SHPK: variants seen among roughly 807,000 people sequenced by gnomAD.
The protein encoded by SHPK is carbohydrate kinase-like protein.
SHPK carries 51 observed loss-of-function variants against 46.3 expected under a neutral mutation model. The ratio of observed to expected loss-of-function variants is 1.10; its 90% CI spans 0.88 to 1.39. The LOEUF (loss-of-function observed/expected upper bound fraction) is 1.39, where lower values mean the gene tolerates loss of function less well. Ranked by LOEUF, SHPK falls within the 40% of genes most tolerant of loss-of-function variation. The pLI is 0.00. For missense variants in SHPK, 668 were observed against 641.3 expected (o/e 1.04, Z -0.45); for synonymous variants, 290 against 273.9 (o/e 1.06, Z -0.58).
chr17:3,622,901 C>T (rs1185912174), intron 4 of SHPK, among the ~76,000 whole-genome samples: 2 of 152,004 alleles, frequency 1.3e-5, no homozygotes, highest in East Asian at 1.9e-4. Context: ...GATGGGGTTT[C>T]GCCATGTTGC....
At chr17:3,635,093 A>G (rs2075501774) in intron 1 of SHPK, among the ~76,000 whole-genome samples, 2 of 151,678 alleles carry the variant, frequency 1.3e-5, no homozygotes, top group South Asian at 4.2e-4. Flanking sequence ...AATCACTTGA[A>G]TCCAGTTGGC....
intron 1 of SHPK, among the ~76,000 whole-genome samples, chr17:3,635,612 T>C (rs1362191658): frequency 6.6e-6 from 1 of 152,166 alleles, no homozygotes; most frequent in Non-Finnish European, 1.5e-5. Context: ...GACATCTGAT[T>C]TCCGGAGGAA....
Position 3,624,196 on chromosome 17 carries a change from A to G in SHPK, c.346T>C (p.Phe116Leu), listed in dbSNP as rs2075419537. 2 of 1,613,812 alleles carry G rather than the reference A, an allele frequency of 1.2e-6. No homozygotes were observed. Among genetic ancestry groups the G allele is most frequent in the Admixed American group, 1.7e-5 (1 of 59,982 alleles). Reference protein sequence around the residue: ...EWTEGGITPVFEPRAVSHLVT... With the variant: ...EWTEGGITPVLEPRAVSHLVT... ...AGGTGGCTAACAGCTCGGGGCTCGA[A>G]CACCGGGGTAATCCCTCCCTCTGTC... The change falls in exon 3 of 7, where the codon TTC becomes CTC. Residue 116 changes from phenylalanine to leucine, a missense_variant. Physicochemically the swap from Phe to Leu is conservative, Grantham distance 22. Transcript: ENST00000225519.
intron 6 of SHPK, among the ~76,000 whole-genome samples, chr17:3,615,106 G>A (rs565367408): frequency 1.3e-5 from 2 of 152,260 alleles, no homozygotes; most frequent in African/African-American, 4.8e-5. Context: ...CAAGGTTGGG[G>A]GAAGGGTGCC....
chr17:3,620,174 TAGAGTA>T (rs1366444351), intron 5 of SHPK, among the ~76,000 whole-genome samples: 7 of 152,158 alleles, frequency 4.6e-5, no homozygotes, highest in Non-Finnish European at 1.0e-4. Flanking sequence ...TTCTGCCCTT[TAGAGTA>T]AAAGAGCCAA....
At chr17:3,616,198 G>A (rs1184496586) in intron 5 of SHPK, among the ~76,000 whole-genome samples, 1 of 152,138 alleles carries the variant, frequency 6.6e-6, no homozygotes, top group Non-Finnish European at 1.5e-5. Context: ...CTCCACGTGA[G>A]AGTGGGCTGG....
intron 2 of SHPK, among the ~76,000 whole-genome samples, chr17:3,629,684 C>T (rs925986060): frequency 3.4e-5 from 5 of 149,250 alleles, no homozygotes; most frequent in South Asian, 4.2e-4. Flanking sequence ...GCTGAGTTTG[C>T]GCCACTGCAC....
chr17:3,634,804 T>C (rs2075497721), intron 1 of SHPK, among the ~76,000 whole-genome samples: 1 of 152,048 alleles, frequency 6.6e-6, no homozygotes, highest in Admixed American at 6.6e-5. Flanking sequence ...ATCCCTATCC[T>C]CAGAAATGCT....
chr17:3,631,388 A>G (rs1446285865), intron 1 of SHPK, among the ~76,000 whole-genome samples: 1 of 151,658 alleles, frequency 6.6e-6, no homozygotes, highest in Non-Finnish European at 1.5e-5. Context: ...ATTTGTTTAG[A>G]CCCTCACTGT....
intron 3 of SHPK, 117 bp from the exon 4 acceptor site, chr17:3,623,608 G>T: frequency 1.0e-6 from 1 of 1,000,936 alleles, no homozygotes; most frequent in Non-Finnish European, 1.6e-6. Context: ...AGCCACAACC[G>T]CATATACTAT....
chr17:3,619,711 C>T (rs190806636), intron 5 of SHPK: 13 of 321,106 alleles, frequency 4.0e-5, no homozygotes, highest in East Asian at 3.2e-4. Context: ...CCAGCCTGGG[C>T]GACAGAGTGA....
Position 3,623,975 on chromosome 17 carries a change from T to C in SHPK, c.494+73A>G, listed in dbSNP as rs2075417859. On this transcript the variant is annotated intron_variant, in intron 3 of 6. Coordinates refer to ENST00000225519, the MANE Select transcript of SHPK (RefSeq NM_013276.4). Reference sequence around the variant, plus strand: ...CGGCACAGCCCAGCAGGCGGGGTGATGCTGACGCAGCCCCGGCCTATTCTC... The same window carrying C: ...CGGCACAGCCCAGCAGGCGGGGTGACGCTGACGCAGCCCCGGCCTATTCTC... 3.2e-5 allele frequency: 45 copies of C among 1,426,222 alleles called. No homozygotes were observed. In the South Asian group the frequency reaches 5.6e-4, roughly 18 times the overall value. 88.3% of individuals were successfully genotyped at this position (1,426,222 alleles called of 1,614,324 possible). A position where few individuals can be genotyped will look rare whatever the true frequency, so the allele number is the denominator to read the frequency against.
In SHPK at chr17:3,625,873, C is replaced by A. The variant is rs201106672; in HGVS notation, c.311-1642G>T. Among the ~76,000 whole-genome samples the A allele has an allele frequency of 2.0e-5, 3 of 152,072 alleles. No homozygotes were observed. In the East Asian group the frequency reaches 5.8e-4, roughly 29 times the overall value. Reference sequence around the variant, plus strand: ...TTCGAGACCAGCCTGGACAACATGGCGAAACCCCATCTCTACAAAAAATAC... The same window carrying A: ...TTCGAGACCAGCCTGGACAACATGGAGAAACCCCATCTCTACAAAAAATAC... On this transcript the variant is annotated intron_variant, in intron 2 of 6. Transcript: ENST00000225519.
intron 5 of SHPK, 41 bp downstream of exon 5, chr17:3,621,196 C>A: frequency 6.6e-7 from 1 of 1,516,284 alleles, no homozygotes; most frequent in Non-Finnish European, 8.9e-7. Context: ...ATGAGGCAGG[C>A]GACAGTGTAA....
At chr17:3,623,946 A>T in intron 3 of SHPK, 102 bp downstream of exon 3, 1 of 1,165,056 alleles carries the variant, frequency 8.6e-7, no homozygotes, top group Non-Finnish European at 1.2e-6. Flanking sequence ...GGACACACTC[A>T]CTGCGGCACA....
At position 3,624,213 on chromosome 17, in the gene SHPK, C is replaced by G. The variant is rs1199329424; in HGVS notation, c.329G>C (p.Gly110Ala). The G allele has an allele frequency of 1.9e-6, 3 of 1,611,854 alleles. No individual in the cohort carries two copies. The highest frequency in any genetic ancestry group is 2.7e-5 in the African/African-American group (2 of 74,890). The change falls in exon 3 of 7, where the codon GGA becomes GCA. Residue 110 changes from glycine (G) to alanine (A), a missense_variant. Physicochemically the swap from Gly to Ala is moderately conservative, Grantham distance 60 (BLOSUM62 0). Transcript: ENST00000225519. ...GGGCTCGAACACCGGGGTAATCCCT[C>G]CCTCTGTCCATTCACAGCCTGGAAC... ...KTGQGCEWTE[G>A]GITPVFEPRA...
In SHPK at chr17:3,621,461, G is replaced by T. The variant is rs772547813; in HGVS notation, c.648-49C>A. Reference sequence around the variant, plus strand: ...ACATGGACCCACAGTTAGGTTTCGGGAATTTAAGGGATCCTTCCTTCCTTC... The same window carrying T: ...ACATGGACCCACAGTTAGGTTTCGGTAATTTAAGGGATCCTTCCTTCCTTC... On this transcript the variant is annotated intron_variant, in intron 4 of 6. Coordinates refer to ENST00000225519, the MANE Select transcript of SHPK (RefSeq NM_013276.4). 4 of 1,545,316 alleles carry T rather than the reference G, an allele frequency of 2.6e-6. No individual in the cohort carries two copies. In the African/African-American group the frequency reaches 5.5e-5, roughly 21 times the overall value.
chr17:3,623,691 C>T (rs2075416176), intron 3 of SHPK, among the ~76,000 whole-genome samples, 200 bp from the exon 4 acceptor site: 1 of 152,170 alleles, frequency 6.6e-6, no homozygotes, highest in Non-Finnish European at 1.5e-5. Flanking sequence ...TAAGTCAGCC[C>T]CAGGGGAAGG....
intron 1 of SHPK, 35 bp from the exon 2 acceptor site, chr17:3,630,381 A>C (rs781364398): frequency 4.1e-5 from 65 of 1,577,980 alleles, no homozygotes; most frequent in Non-Finnish European, 5.5e-5. Flanking sequence ...GCAGGGGCAG[A>C]CACACAGGCA....
Sources: gnomAD v4.1 joint callset for allele counts (sites outside exome capture counted in the v4.1 genomes callset) on GRCh38, gnomAD v4.1.1 for gene constraint, MANE v1.5 for transcripts, NCBI Gene and HGNC (gene_info 2026-07-23, HGNC 2026-07-21) for gene names.